The following POLG2 variants were observed in gnomAD, a reference collection of about 807,000 sequenced individuals.
The protein encoded by POLG2 is DNA polymerase subunit gamma-2.
In POLG2, 50 loss-of-function variants were observed where a neutral mutation model predicts 56.5. The observed-to-expected ratio is 0.88, with a 90% CI of 0.71 to 1.12. The LOEUF is 1.12. POLG2 is among the 50% of genes most tolerant of loss of function. The pLI is 0.00. For missense variants in POLG2, 584 were observed against 583.3 expected, an observed-to-expected ratio of 1.00 and a Z score of -0.01; for synonymous variants, 226 against 222.6, an observed-to-expected ratio of 1.02 and a Z score of -0.14.
intron 4 of POLG2, among the ~76,000 whole-genome samples, chr17:64,489,028 C>CTT (rs562036918): frequency 1.0e-4 from 14 of 136,456 alleles, no homozygotes; most frequent in Admixed American, 1.5e-4. Flanking sequence ...TTTTCTTTTT[C>CTT]TTTTTTTTTT....
chr17:64,495,570 C>G (rs1254390111), intron 1 of POLG2, among the ~76,000 whole-genome samples: 1 of 152,120 alleles, frequency 6.6e-6, no homozygotes, highest in African/African-American at 2.4e-5. Context: ...GAGTGAGACC[C>G]ATATTCAATT....
intron 4 of POLG2, 146 bp downstream of exon 4, chr17:64,490,650 G>A: frequency 1.5e-6 from 1 of 680,880 alleles, no homozygotes; most frequent in South Asian, 1.6e-5. Context: ...TGACTGGATT[G>A]TAGTTATGTA....
intron 4 of POLG2, chr17:64,487,369 A>G (rs1005701814): frequency 5.9e-5 from 9 of 152,178 alleles, no homozygotes; most frequent in South Asian, 2.1e-4. Context: ...ATCCCAGCAC[A>G]TCGGGAGGCC....
chr17:64,485,626 T>C (rs1348124440), intron 5 of POLG2, 102 bp downstream of exon 5: 1 of 965,296 alleles, frequency 1.0e-6, no homozygotes, highest in Non-Finnish European at 1.7e-6. Flanking sequence ...GCACTAAATT[T>C]ATTATTTAGA....
chr17:64,480,261 C>T (rs782659435), intron 7 of POLG2, 28 bp downstream of exon 7: 11 of 1,005,944 alleles, frequency 1.1e-5, no homozygotes, highest in East Asian at 7.5e-5. Context: ...TGAATAAATA[C>T]ACTCTTTAAT....
intron 5 of POLG2, among the ~76,000 whole-genome samples, chr17:64,483,452 T>C (rs1394936322): frequency 1.3e-5 from 2 of 151,128 alleles, no homozygotes; most frequent in East Asian, 1.9e-4. Flanking sequence ...AGGTCAAGGC[T>C]GCAGTGAGCC....
chr17:64,492,708 G>A lies in POLG2; in HGVS notation c.754C>T (p.Leu252Phe). Residue 252 changes from leucine to phenylalanine, a missense_variant, in exon 3 of 8, where the codon CTT (leucine) becomes TTT (phenylalanine). Physicochemically the swap from Leu to Phe is conservative, Grantham distance 22. Coordinates refer to ENST00000539111, the MANE Select transcript of POLG2 (RefSeq NM_007215.4). ...AGTCGATGACGTAACCAGAAATCAA[G>A]CCACTGGTTTGAAGTTCTCGGAGGA... ...FTPPRTSNQW[L>F]DFWLRHRLQW... 1 of 1,612,268 alleles carries A rather than the reference G, an allele frequency of 6.2e-7. No homozygotes were observed. Among genetic ancestry groups the A allele is most frequent in the Non-Finnish European group, 8.5e-7 (1 of 1,178,768 alleles).
intron 6 of POLG2, among the ~76,000 whole-genome samples, chr17:64,481,688 C>T (rs569437436): frequency 6.6e-6 from 1 of 152,116 alleles, no homozygotes; most frequent in Admixed American, 6.5e-5. Context: ...GCCTGGCCAA[C>T]ATGGTGAAAC....
Position 64,492,745 on chromosome 17 carries a change from TAAC to T in POLG2, c.714_716del (p.Leu239del), listed in dbSNP as rs782339619. 2.8e-5 allele frequency: 45 copies of T among 1,612,894 alleles called. No homozygotes were observed. Among genetic ancestry groups the T allele is most frequent in the Non-Finnish European group, 1.3e-5 (15 of 1,179,216 alleles). ...AAGTTCTCGGAGGAGTAAACCATAC[TAAC>T]GAAGCTTCAGTCTTCTCACCAATAC... is the stretch of plus-strand genomic sequence containing the variant. On this transcript the variant is annotated inframe_deletion, in exon 3 of 8. Coordinates refer to ENST00000539111, the MANE Select transcript of POLG2 (RefSeq NM_007215.4).
At chr17:64,490,169 C>T (rs985414927) in intron 4 of POLG2, among the ~76,000 whole-genome samples, 5 of 152,174 alleles carry the variant, frequency 3.3e-5, no homozygotes, top group African/African-American at 1.2e-4. Context: ...ATGATCCTCC[C>T]ACTTCGGCCT....
Position 64,496,422 on chromosome 17 carries a change from C to G in POLG2, c.547G>C (p.Glu183Gln). The change falls in exon 1 of 8, where the codon GAG becomes CAG. Residue 183 changes from glutamate to glutamine, a missense_variant. Transcript: ENST00000539111. ...TGAAGCATACCGTGAAGAAGGTTCT[C>G]CCGTAGTTTCCCAGAAGTTTTTAAT... The part of the protein sequence containing the change: ...NVLKTSGKLR[E>Q]NLLHGALEHY... 6.3e-7 allele frequency: 1 copy of G among 1,580,554 alleles called. No homozygotes were observed. The highest frequency in any genetic ancestry group is 1.1e-5 in the South Asian group (1 of 89,102).
chr17:64,488,353 A>G (rs2037994358), intron 4 of POLG2, among the ~76,000 whole-genome samples: 1 of 152,240 alleles, frequency 6.6e-6, no homozygotes, highest in South Asian at 2.1e-4. Context: ...AATGTCATGG[A>G]AGAGAAAAAT....
Position 64,496,411 on chromosome 17 carries a change from A to T in POLG2, c.558T>A (p.Leu186=), listed in dbSNP as rs1598138694. 1 of 1,570,134 alleles carries T rather than the reference A, an allele frequency of 6.4e-7. No homozygotes were observed. Among genetic ancestry groups the T allele is most frequent in the East Asian group, 2.3e-5 (1 of 44,140 alleles). Residue 186 remains leucine, a synonymous_variant, in exon 1 of 8, where the codon CTT becomes CTA. Transcript: ENST00000539111. The part of the protein sequence containing the change: ...KTSGKLRENL[L]HGALEHYVNC... ...GCATGAAATCGTGAAGCATACCGTG[A>T]AGAAGGTTCTCCCGTAGTTTCCCAG...
chr17:64,492,771 T>C lies in POLG2; in HGVS notation c.691A>G (p.Ile231Val), dbSNP rs1171613995. ...AACGAAGCTTCAGTCTTCTCACCAA[T>C]ACTTTAGATATAAAACGTATCAGGA... ...TKQIRNGVKS[I>V]GEKTEASLVW... The change falls in exon 3 of 8, where the codon ATT (isoleucine) becomes GTT (valine). Residue 231 changes from isoleucine to valine, a missense_variant and splice_region_variant. Physicochemically the swap from Ile to Val is conservative, Grantham distance 29 (BLOSUM62 3). Transcript: ENST00000539111. The C allele has an allele frequency of 2.5e-6, 4 of 1,607,488 alleles. No homozygotes were observed. The highest frequency in any genetic ancestry group is 3.4e-6 in the Non-Finnish European group (4 of 1,174,274).
intron 5 of POLG2, among the ~76,000 whole-genome samples, chr17:64,484,999 TGAGAA>T (rs1376455230): frequency 6.6e-5 from 10 of 152,176 alleles, no homozygotes; most frequent in African/African-American, 2.2e-4. Flanking sequence ...CCTAACTCCC[TGAGAA>T]AATAGAGGGC....
intron 7 of POLG2, among the ~76,000 whole-genome samples, chr17:64,479,225 C>T (rs1555666065): frequency 1.3e-5 from 2 of 150,434 alleles, no homozygotes; most frequent in Non-Finnish European, 3.0e-5. Context: ...GCTCTGTCAC[C>T]CAGGATGGAG....
At chr17:64,490,486 A>T (rs1323077255) in intron 4 of POLG2, 6 of 364,174 alleles carry the variant, frequency 1.6e-5, no homozygotes, top group Non-Finnish European at 3.1e-5. Flanking sequence ...GTCACGCAAG[A>T]CAAGAGGAAT....
At position 64,480,306 on chromosome 17, in the gene POLG2, C is replaced by A; in HGVS notation, c.1275G>T (p.Leu425Phe). The A allele has an allele frequency of 6.4e-7, 1 of 1,555,706 alleles. No homozygotes were observed. The highest frequency in any genetic ancestry group is 1.1e-5 in the South Asian group (1 of 88,478). Residue 425 changes from leucine to phenylalanine, a missense_variant, in exon 7 of 8, where the codon TTG (leucine) becomes TTT (phenylalanine). Coordinates refer to ENST00000539111, the MANE Select transcript of POLG2 (RefSeq NM_007215.4). ...ATTCTTACTTCGAATAAAGTTGTTCCAATGAGGACTGCATAGTTTCCAAAT... is the reference window on the plus strand; with the variant it reads ...ATTCTTACTTCGAATAAAGTTGTTCAAATGAGGACTGCATAGTTTCCAAAT... ...PGYLETMQSS[L>F]EQLYSKYDEM...
chr17:64,496,425 G>T lies in POLG2; in HGVS notation c.544C>A (p.Arg182=). Residue 182 remains arginine (R), a synonymous_variant, in exon 1 of 8, where the codon CGG becomes AGG. Coordinates refer to ENST00000539111, the MANE Select transcript of POLG2 (RefSeq NM_007215.4). ...AGCATACCGTGAAGAAGGTTCTCCCGTAGTTTCCCAGAAGTTTTTAATACG... is the reference window on the plus strand; with the variant it reads ...AGCATACCGTGAAGAAGGTTCTCCCTTAGTTTCCCAGAAGTTTTTAATACG... ...ENVLKTSGKL[R]ENLLHGALEH... The T allele has an allele frequency of 1.3e-6, 2 of 1,581,626 alleles. No homozygotes were observed. Among genetic ancestry groups the T allele is most frequent in the Non-Finnish European group, 1.7e-6 (2 of 1,155,880 alleles).
Sources: gnomAD v4.1 joint callset for allele counts (sites outside exome capture counted in the v4.1 genomes callset) on GRCh38, gnomAD v4.1.1 for gene constraint, MANE v1.5 for transcripts, NCBI Gene and HGNC (gene_info 2026-07-23, HGNC 2026-07-21) for gene names.